Variants in DLC1 observed in about 807,000 individuals in gnomAD.
DLC1 encodes the protein rho GTPase-activating protein 7.
DLC1 carries 54 observed loss-of-function variants against 140.3 expected under a neutral mutation model. That is an observed-to-expected ratio of 0.38 (90% confidence interval 0.31 to 0.48). The LOEUF is 0.48. DLC1 is among the 20% of genes least tolerant of loss of function. The pLI is 0.96. For synonymous variants in DLC1, 986 were observed against 728.1 expected (o/e 1.35, Z -5.70); for missense variants, 2,536 against 1,907.0 (o/e 1.33, Z -6.14).
chr8:13,229,203 G>A (rs1208263634), intron 5 of DLC1, among the ~76,000 whole-genome samples: 1 of 152,126 alleles, frequency 6.6e-6, no homozygotes, highest in Non-Finnish European at 1.5e-5. Context: ...TGGACATTTG[G>A]ATAAATGGAT....
At chr8:13,136,788 G>T (rs186761347) in intron 5 of DLC1, among the ~76,000 whole-genome samples, 1 of 152,242 alleles carries the variant, frequency 6.6e-6, no homozygotes, top group East Asian at 1.9e-4. Flanking sequence ...GCCAGTCTTG[G>T]CCTCCCAAAG....
intron 5 of DLC1, among the ~76,000 whole-genome samples, chr8:13,185,122 C>CTTTTTTTTTT (rs1193667992): frequency 6.0e-4 from 51 of 84,550 alleles, no homozygotes; most frequent in Admixed American, 9.7e-4. Flanking sequence ...GCAACCCCTG[C>CTTTTTTTTTT]TTTTTTTTTT....
intron 2 of DLC1, among the ~76,000 whole-genome samples, chr8:13,451,887 G>A: frequency 6.6e-6 from 1 of 152,158 alleles, no homozygotes; most frequent in Admixed American, 6.5e-5. Context: ...TATATACCCA[G>A]CAGTAGGATT....
rs189766700 is a variant in DLC1 at position 13,405,985 on chromosome 8, T to C, written c.1024-4366A>G. Among the ~76,000 whole-genome samples, 236 of 128,710 alleles carry C rather than the reference T, an allele frequency of 1.8e-3. 2 individuals are homozygous for C. Among genetic ancestry groups the C allele is most frequent in the Non-Finnish European group, 3.2e-3 (193 of 59,642 alleles). The allele number at this position is 128,710 out of a possible 152,430, so 84.4% of individuals were successfully genotyped here. A position where few individuals can be genotyped will look rare whatever the true frequency, so the allele number is the denominator to read the frequency against. The stretch of plus-strand genomic sequence containing the variant: ...TCTTTCTTTCTTTCATCTCTCTCTC[T>C]CTCTCTCTTTCTTTATTCTTCTTCT... On this transcript the variant is annotated intron_variant, in intron 2 of 17. Transcript: ENST00000276297.
chr8:13,403,262 C>A (rs2117259892), intron 2 of DLC1, among the ~76,000 whole-genome samples: 1 of 152,276 alleles, frequency 6.6e-6, no homozygotes, highest in Non-Finnish European at 1.5e-5. Flanking sequence ...TAAAGGGGTC[C>A]ATGATATTTG....
chr8:13,524,953 G>A (rs1802874164), intron 1 of DLC1, among the ~76,000 whole-genome samples: 1 of 152,122 alleles, frequency 6.6e-6, no homozygotes, highest in African/African-American at 2.4e-5. Flanking sequence ...ATCCATCACT[G>A]TCGAGTTTCC....
At chr8:13,409,972 T>G (rs1221566117) in intron 2 of DLC1, among the ~76,000 whole-genome samples, 1 of 152,106 alleles carries the variant, frequency 6.6e-6, no homozygotes, top group Admixed American at 6.6e-5. Flanking sequence ...TTTAGTAGAT[T>G]GCAGAGAAAA....
At chr8:13,368,274 T>C (rs1315928791) in intron 4 of DLC1, among the ~76,000 whole-genome samples, 6 of 151,906 alleles carry the variant, frequency 3.9e-5, no homozygotes, top group South Asian at 2.1e-4. Flanking sequence ...TAGGACAGTA[T>C]ATTTTCCATT....
At chr8:13,581,098 A>T (rs770077456) in intron 1 of DLC1, among the ~76,000 whole-genome samples, 1 of 152,244 alleles carries the variant, frequency 6.6e-6, no homozygotes, top group South Asian at 2.1e-4. Context: ...CAAAGTATTT[A>T]CTAATCTCTC....
intron 4 of DLC1, among the ~76,000 whole-genome samples, chr8:13,348,356 A>G (rs949422710): frequency 1.3e-5 from 2 of 152,188 alleles, no homozygotes; most frequent in African/African-American, 4.8e-5. Flanking sequence ...GTGCCAGCTC[A>G]TTCAGGGCCA....
In DLC1 at chr8:13,498,686, G is replaced by A. The variant is rs1293053335; in HGVS notation, c.1023+363C>T. Among the ~76,000 whole-genome samples, 4 of 152,018 alleles carry A rather than the reference G, an allele frequency of 2.6e-5. No homozygotes were observed. In the South Asian group the frequency reaches 6.2e-4, roughly 24 times the overall value. On this transcript the variant is annotated intron_variant, in intron 2 of 17. Coordinates refer to ENST00000276297, the MANE Select transcript of DLC1 (RefSeq NM_182643.3). Reference sequence around the variant, plus strand: ...CAAATAAATGCTATAACAGTACCATGACTTTCTTTATAAGAATTAGAAATC... The same window carrying A: ...CAAATAAATGCTATAACAGTACCATAACTTTCTTTATAAGAATTAGAAATC...
In DLC1 at chr8:13,092,844, T is replaced by G. The variant is rs1418997539; in HGVS notation, c.3527-19A>C. ...GGCACATCTGCACGACACCAGCACT[T>G]TCTCCATCAGCTTGGTGAATTTGCA... On this transcript the variant is annotated intron_variant, in intron 12 of 17. Transcript: ENST00000276297. The G allele has an allele frequency of 3.1e-6, 5 of 1,604,828 alleles. No individual in the cohort carries two copies. The highest frequency in any genetic ancestry group is 2.6e-6 in the Non-Finnish European group (3 of 1,174,136).
intron 4 of DLC1, among the ~76,000 whole-genome samples, chr8:13,333,755 A>G (rs1006718885): frequency 6.6e-6 from 1 of 152,226 alleles, no homozygotes; most frequent in Admixed American, 6.5e-5. Flanking sequence ...CAAATGACAC[A>G]TTCTCCTTCT....
chr8:13,394,931 A>C (rs577809133), intron 3 of DLC1, among the ~76,000 whole-genome samples: 1 of 152,044 alleles, frequency 6.6e-6, no homozygotes, highest in South Asian at 2.1e-4. Flanking sequence ...CAAACCAAAG[A>C]ACTTCACTCC....
Position 13,526,788 on chromosome 8 carries a change from G to C in DLC1, c.-125-26592C>G, listed in dbSNP as rs546676387. On this transcript the variant is annotated intron_variant, in intron 1 of 1. Transcript: ENST00000631382. Reference sequence around the variant, plus strand: ...GGCCTGCCAGGGGGTTGGGGGACAGGGGAGGGATAGCATTAGGAGATATAC... The same window carrying C: ...GGCCTGCCAGGGGGTTGGGGGACAGCGGAGGGATAGCATTAGGAGATATAC... 2.6e-5 allele frequency among the ~76,000 whole-genome samples: 4 copies of C among 152,138 alleles called. No homozygotes were observed. The South Asian group carries it at 8.3e-4, about 32-fold the overall frequency.
At chr8:13,481,561 G>T (rs1800737861) in intron 2 of DLC1, among the ~76,000 whole-genome samples, 1 of 152,184 alleles carries the variant, frequency 6.6e-6, no homozygotes, top group Non-Finnish European at 1.5e-5. Flanking sequence ...TGTTATGAAG[G>T]AGAAGCTTTG....
chr8:13,293,432 G>C (rs1252820972), intron 5 of DLC1, among the ~76,000 whole-genome samples: 1 of 152,184 alleles, frequency 6.6e-6, no homozygotes, highest in African/African-American at 2.4e-5. Context: ...GTGGAAGAAG[G>C]AGAAATTAAA....
chr8:13,393,433 A>T, intron 4 of DLC1, 120 bp downstream of exon 4: 1 of 1,161,328 alleles, frequency 8.6e-7, no homozygotes, highest in Non-Finnish European at 1.2e-6. Flanking sequence ...ATTAAATATC[A>T]TTAAGTCACT....
intron 5 of DLC1, among the ~76,000 whole-genome samples, chr8:13,263,042 C>T (rs1830527858): frequency 6.6e-6 from 1 of 152,062 alleles, no homozygotes; most frequent in African/African-American, 2.4e-5. Flanking sequence ...AATATATATT[C>T]TATGTTGATT....
Sources: gnomAD v4.1 joint callset for allele counts (sites outside exome capture counted in the v4.1 genomes callset) on GRCh38, gnomAD v4.1.1 for gene constraint, MANE v1.5 for transcripts, NCBI Gene and HGNC (gene_info 2026-07-23, HGNC 2026-07-21) for gene names.